PML: variants seen among roughly 807,000 people sequenced by gnomAD.
The protein encoded by PML is PML nuclear body scaffold.
Under a neutral mutation model 65.2 loss-of-function variants are expected in PML, and 28 were observed. The ratio of observed to expected loss-of-function variants is 0.43; its 90% CI spans 0.32 to 0.59. PML has a LOEUF of 0.59. Ranked by LOEUF, PML falls within the 20% of genes least tolerant of loss-of-function variation. The pLI, the probability that PML is intolerant of heterozygous loss-of-function variation, is 0.08. For missense variants in PML, 1,021 were observed against 1,203.4 expected (o/e 0.85, Z 2.24); for synonymous variants, 500 against 508.8 (o/e 0.98, Z 0.23).
rs1016718261 is a variant in PML, at chr15:74,037,474, G to A, written c.1710+2944G>A. 9 of 985,268 alleles carry A rather than the reference G, an allele frequency of 9.1e-6. No homozygotes were observed. In the African/African-American group the frequency reaches 1.2e-4, roughly 13 times the overall value. 61.0% of individuals were successfully genotyped at this position (985,268 alleles called of 1,614,324 possible). The stretch of plus-strand genomic sequence containing the variant: ...CACTGCCTTCTGAACTAAACACCCT[G>A]AATGAGGTCTTTCTCATCTCAGAAA... On this transcript the variant is annotated intron_variant, in intron 7 of 8. Transcript: ENST00000268058. The surrounding 1 kb of genome is among the most constrained non-coding windows in gnomAD (Gnocchi z 4.2).
Position 74,044,502 on chromosome 15 carries a change from C to T in PML, c.2143C>T (p.Arg715Trp), listed in dbSNP as rs769781945. The stretch of plus-strand genomic sequence containing the variant: ...CTTCCTGGCTGCCCTGCCTCTCATC[C>T]GGGAGCGTGTGCCCGGGGCCAGCAG... ...SGFLAALPLI[R>W]ERVPGASSFK... Residue 715 changes from arginine (R) to tryptophan (W), a missense_variant, in exon 9 of 9, where the codon CGG becomes TGG. Coordinates refer to ENST00000268058, the MANE Select transcript of PML (RefSeq NM_033238.3). 2.0e-5 allele frequency: 32 copies of T among 1,614,010 alleles called. No individual in the cohort carries two copies. The highest frequency in any genetic ancestry group is 1.9e-4 in the South Asian group (17 of 91,092).
intron 3 of PML, 109 bp downstream of exon 3, chr15:74,023,517 A>T: frequency 1.1e-6 from 1 of 919,282 alleles, no homozygotes; most frequent in Non-Finnish European, 1.7e-6. Context: ...CTGGGTGTTT[A>T]TTCAGTCTTT....
chr15:73,999,018 A>G (rs184766472), intron 2 of PML, among the ~76,000 whole-genome samples: 16 of 152,234 alleles, frequency 1.1e-4, no homozygotes, highest in Non-Finnish European at 2.4e-4. Context: ...ACAGATTTTA[A>G]CTCAGTTTTT....
rs2071763379 is a variant in PML at position 74,045,635 on chromosome 15, C to T, written c.*627C>T. On this transcript the variant is annotated 3_prime_UTR_variant, in exon 9 of 9. Transcript: ENST00000268058. The stretch of plus-strand genomic sequence containing the variant: ...GTCCCTGCTTCCAAAGCCTGACCTT[C>T]CAAAGCTTGCTTCCTTCCTCCTGGC... The T allele has an allele frequency of 8.6e-6, 2 of 233,680 alleles. No homozygotes were observed. The highest frequency in any genetic ancestry group is 1.7e-5 in the Non-Finnish European group (2 of 118,524). 14.5% of individuals were successfully genotyped at this position (233,680 alleles called of 1,614,324 possible).
At chr15:74,028,738 A>ATTAT (rs1179324239) in intron 4 of PML, among the ~76,000 whole-genome samples, 1 of 152,224 alleles carries the variant, frequency 6.6e-6, no homozygotes. Flanking sequence ...ACCTCCTATA[A>ATTAT]GTGGAATCAC....
At chr15:74,010,517 TAAAAAAA>T (rs59230084) in intron 2 of PML, among the ~76,000 whole-genome samples, 2 of 133,550 alleles carry the variant, frequency 1.5e-5, no homozygotes, top group Non-Finnish European at 3.2e-5. Context: ...GCCTTGTCTC[TAAAAAAA>T]AAAAAAAAAA....
chr15:73,997,966 G>A, intron 1 of PML, 38 bp from the exon 2 acceptor site: 1 of 1,585,906 alleles, frequency 6.3e-7, no homozygotes, highest in East Asian at 2.2e-5. Context: ...GGGCTTTTGG[G>A]ACTTCTCCAG....
intron 2 of PML, among the ~76,000 whole-genome samples, chr15:74,006,736 G>T (rs952778256): frequency 2.4e-4 from 37 of 152,198 alleles, no homozygotes; most frequent in African/African-American, 8.7e-4. Flanking sequence ...TACAATCATG[G>T]CACCAGAAAC....
At chr15:74,036,216 C>A in intron 7 of PML, 2 of 1,562,784 alleles carry the variant, frequency 1.3e-6, no homozygotes, top group East Asian at 2.3e-5. Context: ...AAACTTCTGT[C>A]ACCCTTGCAC....
chr15:74,014,572 A>G lies in PML; in HGVS notation c.603-8256A>G, dbSNP rs1327496763. ...AGGTCAGGAGTTCGAGACGAGCCTG[A>G]CCAATATGGTGAAAACCTGTCTCTA... On this transcript the variant is annotated intron_variant, in intron 2 of 8. Coordinates refer to ENST00000268058, the MANE Select transcript of PML (RefSeq NM_033238.3). 2.6e-5 allele frequency among the ~76,000 whole-genome samples: 4 copies of G among 151,838 alleles called. No homozygotes were observed. The East Asian group carries it at 5.9e-4, about 22-fold the overall frequency.
chr15:74,023,463 A>G, intron 3 of PML, 55 bp downstream of exon 3: 1 of 1,367,282 alleles, frequency 7.3e-7, no homozygotes, highest in South Asian at 1.2e-5. Flanking sequence ...CACCCTAGGG[A>G]AGGCGAGTCA....
At chr15:74,000,714 T>A (rs890551670) in intron 2 of PML, among the ~76,000 whole-genome samples, 5 of 152,256 alleles carry the variant, frequency 3.3e-5, no homozygotes, top group African/African-American at 1.2e-4. Context: ...TATATTTTTT[T>A]ATTGTGGTAC....
Position 74,023,018 on chromosome 15 carries a change from G to A in PML, c.793G>A (p.Val265Ile). The A allele has an allele frequency of 6.2e-7, 1 of 1,607,326 alleles. No individual in the cohort carries two copies. ...GGTTCACGCGCAGATGCACGCGGCC[G>A]TCGGCCAGCTGGGCCGCGCGCGTGC... Reference protein sequence around the residue: ...GAVHAQMHAAVGQLGRARAET... With the variant: ...GAVHAQMHAAIGQLGRARAET... Residue 265 changes from valine to isoleucine, a missense_variant, in exon 3 of 9, where the codon GTC becomes ATC. Val to Ile is a conservative substitution (Grantham distance 29, BLOSUM62 3). Coordinates refer to ENST00000268058, the MANE Select transcript of PML (RefSeq NM_033238.3).
At chr15:74,021,669 C>T (rs2070842161) in intron 2 of PML, among the ~76,000 whole-genome samples, 1 of 150,652 alleles carries the variant, frequency 6.6e-6, no homozygotes, top group South Asian at 2.1e-4. Flanking sequence ...TTCATAGGAA[C>T]AAAAGCTTCC....
chr15:74,031,244 T>G (rs1277935600), intron 4 of PML: 1 of 446,034 alleles, frequency 2.2e-6, no homozygotes, highest in Non-Finnish European at 4.5e-6. Context: ...ATGTGTATTT[T>G]GTGTCTGGTT....
At chr15:74,036,376 A>C in intron 7 of PML, 1 of 1,375,146 alleles carries the variant, frequency 7.3e-7, no homozygotes, top group Non-Finnish European at 9.4e-7. Flanking sequence ...CTGCTCAATA[A>C]ACACTTGTTG....
chr15:74,006,598 GGTTT>G (rs2070068843), intron 2 of PML, among the ~76,000 whole-genome samples: 1 of 152,102 alleles, frequency 6.6e-6, no homozygotes, highest in South Asian at 2.1e-4. Context: ...AAAAGAAAGG[GGTTT>G]TAGGCTTGCA....
chr15:74,033,110 C>T, intron 5 of PML, 46 bp from the exon 6 acceptor site: 1 of 1,609,170 alleles, frequency 6.2e-7, no homozygotes, highest in South Asian at 1.1e-5. Flanking sequence ...TCTGCCCACT[C>T]ACCCCTGCAG....
At chr15:74,001,520 T>C (rs2069761971) in intron 2 of PML, among the ~76,000 whole-genome samples, 1 of 152,094 alleles carries the variant, frequency 6.6e-6, no homozygotes, top group Non-Finnish European at 1.5e-5. Context: ...TTTTTATTTT[T>C]AGTAGAGACG....
Sources: allele counts gnomAD v4.1 joint callset (sites outside exome capture counted in the v4.1 genomes callset), GRCh38; gene constraint gnomAD v4.1.1; non-coding constraint Gnocchi (gnomAD v3.1); transcripts MANE v1.5; gene names NCBI Gene and HGNC (gene_info 2026-07-23, HGNC 2026-07-21).